The following GARIN4 variants were observed in gnomAD, a reference collection of about 807,000 sequenced individuals.
GARIN4 encodes Golgi-associated RAB2 interactor protein 4.
At chr1:212,626,107 G>A in the GARIN4 span, 5 of 1,614,056 alleles carry the variant, frequency 3.1e-6, no homozygotes, top group African/African-American at 6.7e-5. Context: ...AGCATGGAAG[G>A]GAGCGAACCC....
chr1:212,626,075 A>T, the GARIN4 span: 1 of 1,614,198 alleles, frequency 6.2e-7, no homozygotes, highest in Non-Finnish European at 8.5e-7. Flanking sequence ...CACCCGGCAG[A>T]GCAAGAGCAG....
chr1:212,625,460 A>T, the GARIN4 span: 1 of 1,614,196 alleles, frequency 6.2e-7, no homozygotes, highest in African/African-American at 1.3e-5. Context: ...CATGATGTGG[A>T]TGCCTGTGTT....
At chr1:212,624,869 A>G in the GARIN4 span, 2 of 1,567,558 alleles carry the variant, frequency 1.3e-6, no homozygotes, top group South Asian at 2.4e-5. Flanking sequence ...GTTGTGCTGA[A>G]AGACAACCAT....
chr1:212,625,038 C>T, the GARIN4 span: 2 of 1,614,122 alleles, frequency 1.2e-6, no homozygotes, highest in African/African-American at 1.3e-5. Context: ...ATCCAGATCA[C>T]CAAAAGGGGA....
At chr1:212,625,098 CA>C in the GARIN4 span, 1 of 1,614,126 alleles carries the variant, frequency 6.2e-7, no homozygotes, top group East Asian at 2.2e-5. Context: ...ATGGGCATTG[CA>C]CGTACCAGCC....
the GARIN4 span, chr1:212,625,874 G>T: frequency 6.2e-7 from 1 of 1,614,240 alleles, no homozygotes; most frequent in South Asian, 1.1e-5. Flanking sequence ...TGCAGGCACT[G>T]CCAGCATGGC....
chr1:212,626,715 C>T, the GARIN4 span: 1 of 1,527,670 alleles, frequency 6.5e-7, no homozygotes, highest in Non-Finnish European at 8.8e-7. Flanking sequence ...TGGGAGTGTC[C>T]CTGGAAAGCC....
the GARIN4 span, chr1:212,624,819 G>C: frequency 6.8e-7 from 1 of 1,480,454 alleles, no homozygotes; most frequent in Middle Eastern, 1.9e-4. Context: ...CTGCCACCGA[G>C]GCCAAGGAAG....
At chr1:212,626,131 A>T in the GARIN4 span, 1 of 1,614,116 alleles carries the variant, frequency 6.2e-7, no homozygotes. Context: ...CCAGCGCTGA[A>T]GGCTGCAAGG....
the GARIN4 span, chr1:212,625,630 C>G: frequency 6.2e-7 from 1 of 1,614,148 alleles, no homozygotes. Context: ...TTAACAAACC[C>G]ACTAATGTGC....
the GARIN4 span, chr1:212,625,000 G>A: frequency 1.9e-6 from 3 of 1,614,198 alleles, no homozygotes; most frequent in South Asian, 2.2e-5. Flanking sequence ...ATATATTCAA[G>A]TATGCACCGA....
At chr1:212,624,665 C>G in the GARIN4 span, 1 of 808,916 alleles carries the variant, frequency 1.2e-6, no homozygotes, top group African/African-American at 1.7e-5. Context: ...TACAGCACCC[C>G]CCACAGCAAT....
chr1:212,625,276 C>T, the GARIN4 span: 13 of 1,614,112 alleles, frequency 8.1e-6, no homozygotes, highest in South Asian at 1.3e-4. Context: ...CTGTTCAAGA[C>T]CATGAGAAAC....
At chr1:212,625,890 A>T in the GARIN4 span, 3 of 1,614,228 alleles carry the variant, frequency 1.9e-6, no homozygotes, top group Non-Finnish European at 2.5e-6. Flanking sequence ...ATGGCTCCAA[A>T]CAGCACGAAG....
chr1:212,624,857 C>T, the GARIN4 span: 1 of 1,551,970 alleles, frequency 6.4e-7, no homozygotes, highest in African/African-American at 1.4e-5. Context: ...ACCAGTGCTG[C>T]CGTTGTGCTG....
At chr1:212,626,191 T>G in the GARIN4 span, 1 of 1,613,836 alleles carries the variant, frequency 6.2e-7, no homozygotes, top group South Asian at 1.1e-5. Context: ...GGAGTTCCCA[T>G]CGCCGCAGGA....
chr1:212,626,226 G>A, the GARIN4 span: 1 of 1,614,202 alleles, frequency 6.2e-7, no homozygotes, highest in South Asian at 1.1e-5. Flanking sequence ...CACAAAACAA[G>A]GGGAGACAAG....
At chr1:212,624,900 C>T in the GARIN4 span, 140 of 1,591,242 alleles carry the variant, frequency 8.8e-5, no homozygotes, top group Non-Finnish European at 1.1e-4. Context: ...TTTCTGCTGC[C>T]GTATTATACG....
At chr1:212,626,075 A>C in the GARIN4 span, 1 of 1,614,080 alleles carries the variant, frequency 6.2e-7, no homozygotes, top group African/African-American at 1.3e-5. Flanking sequence ...CACCCGGCAG[A>C]GCAAGAGCAG....
Sources: gnomAD v4.1 joint callset for allele counts on GRCh38, gnomAD v4.1.1 for gene constraint, MANE v1.5 for transcripts, NCBI Gene and HGNC (gene_info 2026-07-23, HGNC 2026-07-21) for gene names.